The following BLM variants were observed in gnomAD, a reference collection of about 807,000 sequenced individuals.
The protein encoded by BLM is BLM RecQ like helicase, also known as recQ-like DNA helicase BLM.
BLM carries 95 observed loss-of-function variants against 135.3 expected under a neutral mutation model. The ratio of observed to expected loss-of-function variants is 0.70; its 90% CI spans 0.59 to 0.83. The LOEUF (loss-of-function observed/expected upper bound fraction) is 0.83. BLM is among the 40% of genes least tolerant of loss of function. The probability of loss-of-function intolerance (pLI) is 0.00; values close to 1 mark genes in which losing one functional copy is unlikely to be tolerated. For synonymous variants in BLM, 520 were observed against 589.2 expected, an observed-to-expected ratio of 0.88 and a Z score of 1.70; for missense variants, 1,518 against 1,663.9, an observed-to-expected ratio of 0.91 and a Z score of 1.53.
intron 4 of BLM, among the ~76,000 whole-genome samples, chr15:90,753,378 T>G (rs145194990): frequency 6.6e-6 from 1 of 152,366 alleles, no homozygotes; most frequent in African/African-American, 2.4e-5. Context: ...TAATTATAAT[T>G]TTATATTCTA....
chr15:90,800,345 C>G (rs1196644360), intron 17 of BLM, among the ~76,000 whole-genome samples: 1 of 152,210 alleles, frequency 6.6e-6, no homozygotes, highest in Admixed American at 6.5e-5. Context: ...CCCATAGTCA[C>G]AGTCAGGCAG....
intron 2 of BLM, among the ~76,000 whole-genome samples, chr15:90,748,315 G>A (rs745730774): frequency 4.6e-5 from 7 of 150,716 alleles, no homozygotes; most frequent in Non-Finnish European, 1.0e-4. Context: ...TCCATGTTGG[G>A]CAGACTGGTC....
At chr15:90,723,201 A>T (rs1480196189) in intron 1 of BLM, among the ~76,000 whole-genome samples, 4 of 152,130 alleles carry the variant, frequency 2.6e-5, no homozygotes. Context: ...CCTGATCTAT[A>T]CATCTATAAA....
At chr15:90,773,095 CAAAAAA>C (rs780966709) in intron 12 of BLM, among the ~76,000 whole-genome samples, 20 of 43,468 alleles carry the variant, frequency 4.6e-4, no homozygotes, top group Middle Eastern at 0.012. Flanking sequence ...GAGACTGTCT[CAAAAAA>C]AAAAAAAAAA....
rs1555422463 is a variant in BLM at position 90,784,351 on chromosome 15, T to TG, written c.2663-569dup. Among the ~76,000 whole-genome samples the TG allele has an allele frequency of 5.1e-3, 636 of 125,046 alleles. 16 individuals carry two copies. Among genetic ancestry groups the TG allele is most frequent in the African/African-American group, 0.013 (351 of 27,454 alleles). The allele number at this position is 125,046 out of a possible 152,430, so 82.0% of individuals were successfully genotyped here. A position where few individuals can be genotyped will look rare whatever the true frequency, so the allele number is the denominator to read the frequency against. Reference sequence around the variant, plus strand: ...TCTTTTTTTTTTTTTTTTTTTTTTTTGAGGCTGAGTCTCACTCTATCTCCA... The same window carrying TG: ...TCTTTTTTTTTTTTTTTTTTTTTTTTGGAGGCTGAGTCTCACTCTATCTCCA... On this transcript the variant is annotated intron_variant, in intron 13 of 21. Coordinates refer to ENST00000355112, the MANE Select transcript of BLM (RefSeq NM_000057.4).
At chr15:90,772,275 C>G (rs933314040) in intron 12 of BLM, among the ~76,000 whole-genome samples, 43 of 152,236 alleles carry the variant, frequency 2.8e-4, no homozygotes, top group Admixed American at 1.2e-3. Context: ...TCCCGCCAGT[C>G]TGTAATAATA....
chr15:90,801,009 A>T (rs1049330005), intron 17 of BLM, among the ~76,000 whole-genome samples: 2 of 151,910 alleles, frequency 1.3e-5, no homozygotes, highest in Admixed American at 6.6e-5. Context: ...ATTAGCCGGG[A>T]CTGATGTTGT....
intron 6 of BLM, 119 bp from the exon 7 acceptor site, chr15:90,760,475 A>G: frequency 1.5e-6 from 2 of 1,312,370 alleles, no homozygotes; most frequent in South Asian, 1.3e-5. Flanking sequence ...TAAGATTGGG[A>G]AAAAAGCGAA....
At chr15:90,788,251 A>C (rs1248279210) in intron 14 of BLM, among the ~76,000 whole-genome samples, 1 of 152,350 alleles carries the variant, frequency 6.6e-6, no homozygotes, top group East Asian at 1.9e-4. Flanking sequence ...TAACAAATAT[A>C]TAACAAAAAT....
At chr15:90,755,356 A>C in intron 5 of BLM, 1 of 188,558 alleles carries the variant, frequency 5.3e-6, no homozygotes, top group Non-Finnish European at 1.1e-5. Context: ...AGGTCTTTTA[A>C]CTCTCCTTGC....
intron 1 of BLM, among the ~76,000 whole-genome samples, chr15:90,743,573 G>T (rs1172764696): frequency 1.3e-5 from 2 of 151,842 alleles, no homozygotes; most frequent in Non-Finnish European, 2.9e-5. Context: ...GTGTTGCCCA[G>T]GCTATAGTGC....
At chr15:90,744,719 A>G (rs1680634635) in intron 1 of BLM, among the ~76,000 whole-genome samples, 1 of 151,844 alleles carries the variant, frequency 6.6e-6, no homozygotes, top group African/African-American at 2.4e-5. Flanking sequence ...GCCCTAGGAA[A>G]TGCAGAGATT....
chr15:90,796,063 G>A (rs1373805063), intron 16 of BLM, among the ~76,000 whole-genome samples: 7 of 152,206 alleles, frequency 4.6e-5, no homozygotes, highest in African/African-American at 1.7e-4. Flanking sequence ...TTAAGAGCCA[G>A]TGAGGGGAAG....
chr15:90,792,917 T>C (rs1896939968), intron 15 of BLM, among the ~76,000 whole-genome samples: 6 of 150,690 alleles, frequency 4.0e-5, no homozygotes, highest in Admixed American at 4.0e-4. Flanking sequence ...GTTTGCCCAT[T>C]TGTGTTTTTT....
chr15:90,722,070 A>C (rs892404082), intron 1 of BLM, among the ~76,000 whole-genome samples: 2 of 152,104 alleles, frequency 1.3e-5, no homozygotes, highest in Non-Finnish European at 2.9e-5. Context: ...GGATCACTTA[A>C]GGGCAGGAGT....
In BLM at chr15:90,804,167, G is replaced by A. The variant is rs547814390; in HGVS notation, c.3559G>A (p.Val1187Ile). The change falls in exon 19 of 22, where the codon GTA (valine) becomes ATA (isoleucine). Residue 1187 changes from valine (V) to isoleucine (I), a missense_variant and splice_region_variant. Physicochemically the swap from Val to Ile is conservative, Grantham distance 29 (BLOSUM62 3). Around this residue, in one of 5 missense-constraint regions of BLM, gnomAD observed 626 missense variants for 681.1 expected, o/e 0.92. Transcript: ENST00000355112. Reference sequence around the variant, plus strand: ...TATGATTTGTTTCTCTCTCATAAAGGTAGACTTTATGGAAACAGAAAATTC... The same window carrying A: ...TATGATTTGTTTCTCTCTCATAAAGATAGACTTTATGGAAACAGAAAATTC... Reference protein sequence around the residue: ...AQTVLNGNLKVDFMETENSSS... With the variant: ...AQTVLNGNLKIDFMETENSSS... 1.9e-6 allele frequency: 3 copies of A among 1,612,844 alleles called. No homozygotes were observed. Among genetic ancestry groups the A allele is most frequent in the East Asian group, 4.5e-5 (2 of 44,876 alleles).
chr15:90,748,095 C>T (rs1479159958), intron 2 of BLM, among the ~76,000 whole-genome samples: 13 of 150,466 alleles, frequency 8.6e-5, no homozygotes, highest in Non-Finnish European at 1.9e-4. Context: ...CATGAGCCAC[C>T]GTGCCCAGCC....
chr15:90,763,190 C>A (rs1370893405), intron 8 of BLM, 33 bp downstream of exon 8: 2 of 1,601,314 alleles, frequency 1.2e-6, no homozygotes, highest in Admixed American at 1.7e-5. Flanking sequence ...TGGCAGGAAT[C>A]CATTGGCAGA....
At chr15:90,744,946 G>A (rs1895461779) in intron 1 of BLM, among the ~76,000 whole-genome samples, 1 of 152,028 alleles carries the variant, frequency 6.6e-6, no homozygotes, top group African/African-American at 2.4e-5. Context: ...AGCTGTGTGG[G>A]AGGGTGAGGT....
Sources: allele counts gnomAD v4.1 joint callset (sites outside exome capture counted in the v4.1 genomes callset), GRCh38; gene constraint gnomAD v4.1.1; regional missense constraint gnomAD v4.1.1; transcripts MANE v1.5; gene names NCBI Gene and HGNC (gene_info 2026-07-23, HGNC 2026-07-21).